NHSL2: variants seen among roughly 807,000 people sequenced by gnomAD.
NHSL2 encodes the protein NHS like 2, also known as NHS-like protein 2.
NHSL2 carries 27 observed loss-of-function variants against 53.4 expected under a neutral mutation model. The ratio of observed to expected loss-of-function variants is 0.51; its 90% CI spans 0.37 to 0.70. NHSL2 has a LOEUF of 0.70. NHSL2 is among the 30% of genes least tolerant of loss of function. NHSL2 has a pLI of 0.00. For missense variants in NHSL2, 892 were observed against 980.1 expected, an observed-to-expected ratio of 0.91 and a Z score of 1.20; for synonymous variants, 408 against 404.1, an observed-to-expected ratio of 1.01 and a Z score of -0.12.
intron 1 of NHSL2, among the ~76,000 whole-genome samples, chrX:72,064,724 G>A (rs886924859): frequency 2.7e-5 from 3 of 112,437 alleles, no homozygotes; most frequent in Non-Finnish European, 5.6e-5. Flanking sequence ...TCGGGCCTCA[G>A]ACTTCTCTGT....
At chrX:72,034,753 G>T (rs766057839) in intron 1 of NHSL2, among the ~76,000 whole-genome samples, 1 of 112,010 alleles carries the variant, frequency 8.9e-6, no homozygotes, top group East Asian at 2.8e-4. Flanking sequence ...TTCAGAATCT[G>T]TACTGATAAC....
At position 71,933,220 on chromosome X, in the gene NHSL2, C is replaced by G. The variant is rs775087704; in HGVS notation, c.280+21853C>G. Among the ~76,000 whole-genome samples the G allele has an allele frequency of 2.7e-5, 3 of 111,779 alleles. No homozygotes were observed. The East Asian group carries it at 8.4e-4, about 31-fold the overall frequency. On this transcript the variant is annotated intron_variant, in intron 1 of 7. Transcript: ENST00000633930. Reference sequence around the variant, plus strand: ...ACAGAGAGCTACACTGCCTCTTTTCCCAGTGAGAGTCGCCCTGTCCAAAAG... The same window carrying G: ...ACAGAGAGCTACACTGCCTCTTTTCGCAGTGAGAGTCGCCCTGTCCAAAAG...
At chrX:72,059,385 A>G (rs1484797579) in intron 1 of NHSL2, among the ~76,000 whole-genome samples, 1 of 111,118 alleles carries the variant, frequency 9.0e-6, no homozygotes, top group Non-Finnish European at 1.9e-5. Context: ...GTGGCTCACT[A>G]TCACCTTCAA....
At chrX:71,922,868 C>T (rs1302019464) in intron 1 of NHSL2, among the ~76,000 whole-genome samples, 2 of 112,325 alleles carry the variant, frequency 1.8e-5, no homozygotes, top group Non-Finnish European at 3.8e-5. Context: ...TTCCAATTTC[C>T]AGCCTGTATT....
At chrX:72,121,259 C>G (rs2042179136) in intron 1 of NHSL2, among the ~76,000 whole-genome samples, 1 of 111,828 alleles carries the variant, frequency 8.9e-6, no homozygotes, top group African/African-American at 3.3e-5. Flanking sequence ...GTCCCTGGCC[C>G]AGTTGGTCAT....
intron 1 of NHSL2, among the ~76,000 whole-genome samples, chrX:71,950,464 G>C (rs1281640492): frequency 1.8e-5 from 2 of 112,564 alleles, no homozygotes; most frequent in Non-Finnish European, 3.8e-5. Flanking sequence ...TGAGGGTGGA[G>C]GATTGGGAGG....
chrX:71,946,747 A>C (rs1046605654), intron 1 of NHSL2, among the ~76,000 whole-genome samples: 4 of 112,338 alleles, frequency 3.6e-5, no homozygotes, highest in African/African-American at 6.5e-5. Context: ...CTGGGTAAGT[A>C]AAATAATCTG....
chrX:71,911,927 T>G, intron 1 of NHSL2, among the ~76,000 whole-genome samples: 1 of 111,550 alleles, frequency 9.0e-6, no homozygotes, highest in East Asian at 2.8e-4. Context: ...CACAGGAGTG[T>G]CTGAGCGTCC....
At chrX:71,963,959 A>ACC (rs1491372389) in intron 1 of NHSL2, among the ~76,000 whole-genome samples, 4 of 2,013 alleles carry the variant, frequency 2.0e-3, no homozygotes, top group South Asian at 0.077. Context: ...CTATATATAT[A>ACC]CACATATATA....
chrX:72,049,977 G>A (rs7067105), intron 1 of NHSL2, among the ~76,000 whole-genome samples: 12,250 of 105,499 alleles, frequency 0.12, 1,283 homozygotes, highest in African/African-American at 0.32. Flanking sequence ...GCTTCTAGTT[G>A]TAGTTATAGT....
intron 1 of NHSL2, among the ~76,000 whole-genome samples, chrX:71,983,238 C>T (rs1308061460): frequency 9.0e-6 from 1 of 111,318 alleles, no homozygotes; most frequent in African/African-American, 3.3e-5. Flanking sequence ...GTATACAACT[C>T]TGTGAATATA....
chrX:72,034,131 G>T (rs1275389855), intron 1 of NHSL2, among the ~76,000 whole-genome samples: 3 of 112,052 alleles, frequency 2.7e-5, no homozygotes, highest in Non-Finnish European at 5.6e-5. Flanking sequence ...ATGTATGGGT[G>T]TTGGATTTTG....
rs1556312157 is a variant in NHSL2, at chrX:71,963,981, A to ATATATGTGTATATATATGTATG, written c.280+52619_280+52620insGTGTATATATATGTATGTATAT. ...TATACACATATATATATACATATAT[A>ATATATGTGTATATATATGTATG]TATATATATATGTATATACATATAT... On this transcript the variant is annotated intron_variant, in intron 1 of 7. Transcript: ENST00000633930. 1.6e-3 allele frequency among the ~76,000 whole-genome samples: 103 copies of ATATATGTGTATATATATGTATG among 64,401 alleles called. 4 individuals carry two copies. Among genetic ancestry groups the ATATATGTGTATATATATGTATG allele is most frequent in the African/African-American group, 7.3e-3 (101 of 13,765 alleles). 55.9% of individuals were successfully genotyped at this position (64,401 alleles called of 115,157 possible). A position where few individuals can be genotyped will look rare whatever the true frequency, so the allele number is the denominator to read the frequency against.
At chrX:71,977,426 T>TC (rs67139311) in intron 1 of NHSL2, among the ~76,000 whole-genome samples, 376 of 12,541 alleles carry the variant, frequency 0.03, 2 homozygotes, top group Non-Finnish European at 0.092. Context: ...TCTCTCTCTC[T>TC]TTTTTTTTTT....
At chrX:72,129,855 A>G in intron 1 of NHSL2, 1 of 1,198,670 alleles carries the variant, frequency 8.3e-7, no homozygotes, top group Non-Finnish European at 1.1e-6. Flanking sequence ...GGCCACGAGC[A>G]GCTCGGTGGC....
chrX:72,082,691 G>GAGC (rs1202397576), intron 1 of NHSL2, among the ~76,000 whole-genome samples: 1 of 112,264 alleles, frequency 8.9e-6, no homozygotes, highest in Non-Finnish European at 1.9e-5. Context: ...CTGCCCTTTG[G>GAGC]AGCAGCTCTG....
chrX:72,131,689 C>A (rs2042302814), intron 1 of NHSL2: 3 of 497,405 alleles, frequency 6.0e-6, no homozygotes, highest in Non-Finnish European at 5.9e-6. Flanking sequence ...CCACACCCAC[C>A]GGGGCGAGCT....
At chrX:71,956,492 T>C (rs1029900377) in intron 1 of NHSL2, among the ~76,000 whole-genome samples, 1 of 111,660 alleles carries the variant, frequency 9.0e-6, no homozygotes, top group Non-Finnish European at 1.9e-5. Context: ...AAAAAATTGC[T>C]AAGGTTTCCT....
At chrX:72,112,474 C>T (rs2042101277) in intron 1 of NHSL2, among the ~76,000 whole-genome samples, 1 of 111,672 alleles carries the variant, frequency 9.0e-6, no homozygotes, top group South Asian at 3.7e-4. Flanking sequence ...AAAAGGAGAC[C>T]TTTTTCTCAT....
Sources: gnomAD v4.1 joint callset for allele counts (sites outside exome capture counted in the v4.1 genomes callset) on GRCh38, gnomAD v4.1.1 for gene constraint, MANE v1.5 for transcripts, NCBI Gene and HGNC (gene_info 2026-07-23, HGNC 2026-07-21) for gene names.